Variants in SQLE observed in about 807,000 individuals in gnomAD.
SQLE encodes squalene monooxygenase.
Under a neutral mutation model 60.7 loss-of-function variants are expected in SQLE, and 29 were observed. The ratio of observed to expected loss-of-function variants is 0.48; its 90% CI spans 0.36 to 0.65. SQLE has a LOEUF of 0.65. Among genes scored for constraint, SQLE ranks in the 30% least tolerant of loss-of-function variants. The probability of loss-of-function intolerance (pLI) is 0.00; values close to 1 mark genes in which losing one functional copy is unlikely to be tolerated. For synonymous variants in SQLE, 237 were observed against 246.8 expected, an observed-to-expected ratio of 0.96 and a Z score of 0.37; for missense variants, 605 against 684.1, an observed-to-expected ratio of 0.88 and a Z score of 1.29.
chr8:124,999,107 G>T lies in SQLE; in HGVS notation c.-297G>T. 2.9e-6 allele frequency: 1 copy of T among 343,520 alleles called. No individual in the cohort carries two copies. The highest frequency in any genetic ancestry group is 4.8e-5 in the Admixed American group (1 of 20,984). The allele number at this position is 343,520 out of a possible 1,614,324, so 21.3% of individuals were successfully genotyped here. A position where few individuals can be genotyped will look rare whatever the true frequency, so the allele number is the denominator to read the frequency against. ...GGAACACCATCAAAAAAGAAAAAAA[G>T]GGAATATCTGGATTTCCTGGGCGAG... On this transcript the variant is annotated 5_prime_UTR_variant, in exon 1 of 11. The change creates a new upstream start codon in the 5' untranslated region. Coordinates refer to ENST00000265896, the MANE Select transcript of SQLE (RefSeq NM_003129.4).
intron 4 of SQLE, among the ~76,000 whole-genome samples, chr8:125,008,481 C>T (rs970048151): frequency 1.4e-4 from 21 of 152,164 alleles, no homozygotes; most frequent in Non-Finnish European, 2.8e-4. Context: ...AGAAATTGTC[C>T]TCTAATGAAG....
At chr8:125,018,309 A>T in intron 8 of SQLE, 108 bp downstream of exon 8, 1 of 1,135,348 alleles carries the variant, frequency 8.8e-7, no homozygotes, top group Non-Finnish European at 1.3e-6. Flanking sequence ...CTGATGCTTT[A>T]TAATAGCTCT....
At chr8:125,006,662 A>G (rs1814953221) in intron 3 of SQLE, among the ~76,000 whole-genome samples, 1 of 151,732 alleles carries the variant, frequency 6.6e-6, no homozygotes, top group Non-Finnish European at 1.5e-5. Flanking sequence ...TCCCAAATAT[A>G]AAGATTATAA....
At chr8:125,003,043 A>G (rs1169992955) in intron 1 of SQLE, 133 bp from the exon 2 acceptor site, 5 of 711,472 alleles carry the variant, frequency 7.0e-6, no homozygotes, top group Admixed American at 3.8e-5. Flanking sequence ...AAATGTAACA[A>G]TTTGTTTGGT....
At chr8:125,017,845 T>G in intron 7 of SQLE, 2 of 554,572 alleles carry the variant, frequency 3.6e-6, no homozygotes. Context: ...TATTACCATA[T>G]CCCCAGTGCC....
At chr8:125,009,412 TGA>T in intron 6 of SQLE, 69 bp downstream of exon 6, 1 of 1,391,558 alleles carries the variant, frequency 7.2e-7, no homozygotes, top group Non-Finnish European at 9.7e-7. Context: ...GGATGGCAGG[TGA>T]AACATTCATC....
chr8:125,017,231 T>G (rs992303335), intron 7 of SQLE, among the ~76,000 whole-genome samples: 1 of 152,018 alleles, frequency 6.6e-6, no homozygotes, highest in Admixed American at 6.6e-5. Flanking sequence ...CCAGGACTGG[T>G]CCAGAAATGC....
intron 1 of SQLE, 129 bp from the exon 2 acceptor site, chr8:125,003,043 ATTTG>A (rs1478459411): frequency 1.4e-6 from 1 of 711,590 alleles, no homozygotes; most frequent in East Asian, 3.1e-5. Flanking sequence ...AAATGTAACA[ATTTG>A]TTTGGTTTGA....
intron 3 of SQLE, among the ~76,000 whole-genome samples, chr8:125,006,894 G>A (rs1814959861): frequency 1.3e-5 from 2 of 151,746 alleles, no homozygotes; most frequent in South Asian, 2.1e-4. Flanking sequence ...TAGTAGAGAC[G>A]GGGTTTCACC....
rs200864166 is a variant in SQLE at position 125,020,837 on chromosome 8, G to A, written c.1498G>A (p.Glu500Lys). ...TTTTCTTTATTTCAAACTTGGTGGCGAATGTGTTGCGGGTCCTGTTGGGCT... is the reference window on the plus strand; with the variant it reads ...TTTTCTTTATTTCAAACTTGGTGGCAAATGTGTTGCGGGTCCTGTTGGGCT... The part of the protein sequence containing the change: ...ACFLYFKLGG[E>K]CVAGPVGLLS... The change falls in exon 10 of 11, where the codon GAA becomes AAA. Residue 500 changes from glutamate (E) to lysine (K), a missense_variant. Transcript: ENST00000265896. 8.1e-5 allele frequency: 131 copies of A among 1,613,476 alleles called. No homozygotes were observed. In the East Asian group the frequency reaches 1.8e-3, roughly 22 times the overall value.
In SQLE at chr8:124,999,418, G is replaced by T; in HGVS notation, c.15G>T (p.Leu5=). Residue 5 remains leucine, a synonymous_variant, in exon 1 of 11, where the codon CTG becomes CTT. Transcript: ENST00000265896. The part of the protein sequence containing the change: MWTF[L]GIATFTYFYK... ...GCCTTGGAACCATGTGGACTTTTCT[G>T]GGCATTGCCACTTTCACCTATTTTT... 1 of 1,518,984 alleles carries T rather than the reference G, an allele frequency of 6.6e-7. No individual in the cohort carries two copies. The highest frequency in any genetic ancestry group is 8.8e-7 in the Non-Finnish European group (1 of 1,132,926). The allele number at this position is 1,518,984 out of a possible 1,614,324, so 94.1% of individuals were successfully genotyped here. A position where few individuals can be genotyped will look rare whatever the true frequency, so the allele number is the denominator to read the frequency against.
Position 125,009,205 on chromosome 8 carries a change from C to A in SQLE, c.970C>A (p.Leu324Ile). ...ACAGTTTAAAGCAAATCATGCTGAA[C>A]TTATTTTAGCTAACCCGAGTCCAGT... Reference protein sequence around the residue: ...APQFKANHAELILANPSPVLI... With the variant: ...APQFKANHAEIILANPSPVLI... Residue 324 changes from leucine (L) to isoleucine (I), a missense_variant, in exon 6 of 11, where the codon CTT becomes ATT. Transcript: ENST00000265896. 1 of 1,612,560 alleles carries A rather than the reference C, an allele frequency of 6.2e-7. No individual in the cohort carries two copies. The highest frequency in any genetic ancestry group is 8.5e-7 in the Non-Finnish European group (1 of 1,179,386).
At chr8:125,019,031 G>C (rs1204950728) in intron 9 of SQLE, 1 of 235,444 alleles carries the variant, frequency 4.2e-6, no homozygotes, top group Non-Finnish European at 8.1e-6. Flanking sequence ...TGTGATGGAA[G>C]GTGTTTTTGG....
At chr8:125,004,542 T>C (rs543111681) in intron 2 of SQLE, among the ~76,000 whole-genome samples, 1 of 145,356 alleles carries the variant, frequency 6.9e-6, no homozygotes, top group Admixed American at 6.6e-5. Flanking sequence ...TTTGATGGTG[T>C]CCTGTTGTTT....
In SQLE at chr8:124,999,553, CG is replaced by C; in HGVS notation, c.155del (p.Gly52ValfsTer58). On this transcript the variant is annotated frameshift_variant, in exon 1 of 11. Transcript: ENST00000265896. LOFTEE classifies it high-confidence loss of function. Reference sequence around the variant, plus strand: ...TCTCCTACCGCTGTCGCCACCGAAACGGGGGTCTCCTCGGGCGCCAGCAGAG... The same window carrying C: ...TCTCCTACCGCTGTCGCCACCGAAACGGGGTCTCCTCGGGCGCCAGCAGAG... ...VLSYRCRHRN[G>X]GLLGRQQSGS... The C allele has an allele frequency of 3.1e-6, 5 of 1,613,314 alleles. No homozygotes were observed. Among genetic ancestry groups the C allele is most frequent in the Non-Finnish European group, 4.2e-6 (5 of 1,179,624 alleles).
intron 6 of SQLE, among the ~76,000 whole-genome samples, chr8:125,009,789 G>T (rs562834700): frequency 6.7e-6 from 1 of 148,594 alleles, no homozygotes. Context: ...GCGAAACTCC[G>T]TCTCAAAAAA....
At chr8:125,011,511 C>T (rs1301195542) in intron 6 of SQLE, 26 bp from the exon 7 acceptor site, 2 of 1,546,504 alleles carry the variant, frequency 1.3e-6, no homozygotes, top group Admixed American at 1.9e-5. Context: ...TGACCCATTT[C>T]TTTGGGTTGG....
intron 8 of SQLE, among the ~76,000 whole-genome samples, chr8:125,018,415 G>A (rs1815144059): frequency 6.6e-6 from 1 of 152,008 alleles, no homozygotes; most frequent in African/African-American, 2.4e-5. Context: ...GATTGCTATG[G>A]GCCACTTAGC....
intron 1 of SQLE, among the ~76,000 whole-genome samples, chr8:125,001,513 A>G (rs922287165): frequency 9.3e-5 from 14 of 150,452 alleles, no homozygotes; most frequent in Non-Finnish European, 1.6e-4. Context: ...AAAACTTATG[A>G]AGAAGCACAT....
Sources: allele counts gnomAD v4.1 joint callset (sites outside exome capture counted in the v4.1 genomes callset), GRCh38; gene constraint gnomAD v4.1.1; transcripts MANE v1.5; gene names NCBI Gene and HGNC (gene_info 2026-07-23, HGNC 2026-07-21).